Variants in SFMBT2 observed in about 807,000 individuals in gnomAD.
SFMBT2 encodes the protein scm-like with four MBT domains protein 2.
SFMBT2 carries 38 observed loss-of-function variants against 110.1 expected under a neutral mutation model. That is an observed-to-expected ratio of 0.35 (90% CI 0.27 to 0.45). SFMBT2 has a LOEUF of 0.45. Among genes scored for constraint, SFMBT2 ranks in the 20% least tolerant of loss-of-function variants. SFMBT2 has a pLI of 1.00. For synonymous variants in SFMBT2, 425 were observed against 425.4 expected (o/e 1.00, Z 0.01); for missense variants, 1,011 against 1,094.9 (o/e 0.92, Z 1.08).
At position 7,170,791 on chromosome 10, in the gene SFMBT2, A is replaced by T. The variant is rs930686058; in HGVS notation, c.2544+137T>A. ...CTCTCAGCAGGGGCCTTGGAGGGAG[A>T]AGGGTCTCGCACACCTGCCGAGCAG... On this transcript the variant is annotated intron_variant, in intron 20 of 20. Transcript: ENST00000397167. This position sits in a 1 kb window ranked among gnomAD's most constrained non-coding sequence, Gnocchi z 4.6. 10 of 972,316 alleles carry T rather than the reference A, an allele frequency of 1.0e-5. No individual in the cohort carries two copies. In the Admixed American group the frequency reaches 1.7e-4, roughly 16 times the overall value. 60.2% of individuals were successfully genotyped at this position (972,316 alleles called of 1,614,324 possible).
intron 1 of SFMBT2, among the ~76,000 whole-genome samples, chr10:7,400,534 G>C (rs1031888714): frequency 6.6e-6 from 1 of 152,188 alleles, no homozygotes; most frequent in Non-Finnish European, 1.5e-5. Flanking sequence ...CTATGAAGTT[G>C]ATGGCATCCA....
At chr10:7,174,978 A>C (rs138545430) in intron 17 of SFMBT2, among the ~76,000 whole-genome samples, 1 of 152,194 alleles carries the variant, frequency 6.6e-6, no homozygotes, top group African/African-American at 2.4e-5. Flanking sequence ...GTGTAGAAAC[A>C]CACTGAGAGA....
chr10:7,387,732 A>G (rs1845650464), intron 1 of SFMBT2, among the ~76,000 whole-genome samples: 1 of 150,928 alleles, frequency 6.6e-6, no homozygotes, highest in African/African-American at 2.4e-5. Context: ...GGAGTTTGAG[A>G]CCAGCCTGGC....
At chr10:7,328,622 T>C (rs983633220) in intron 4 of SFMBT2, among the ~76,000 whole-genome samples, 1 of 152,246 alleles carries the variant, frequency 6.6e-6, no homozygotes, top group Non-Finnish European at 1.5e-5. Context: ...AATTTTTATA[T>C]AATGTGTTAA....
In SFMBT2 at chr10:7,162,225, G is replaced by A. The variant is rs2131500450; in HGVS notation, c.*1545C>T. The A allele has an allele frequency of 6.6e-6, 1 of 151,372 alleles. No homozygotes were observed. The highest frequency in any genetic ancestry group is 2.1e-4 in the South Asian group (1 of 4,824). The allele number at this position is 151,372 out of a possible 1,614,324, so 9.4% of individuals were successfully genotyped here. ...AGCAAACTCAAAGCCAGAAAGAGCT[G>A]TAAGAATGGCCGAGTCAGAACTGGG... On this transcript the variant is annotated 3_prime_UTR_variant, in exon 21 of 21. Transcript: ENST00000397167.
Position 7,246,213 on chromosome 10 carries a change from G to A in SFMBT2, c.972+2335C>T, listed in dbSNP as rs1270720615. ...GGGTAAGAAAAAGCAAAATAAAAAG[G>A]AAAACACAGTTTAGAAATCAGTAAA... On this transcript the variant is annotated intron_variant, in intron 8 of 20. Transcript: ENST00000397167. The A allele has an allele frequency of 4.1e-6, 4 of 968,582 alleles. No individual in the cohort carries two copies. In the East Asian group the frequency reaches 3.4e-4, roughly 83 times the overall value. 60.0% of individuals were successfully genotyped at this position (968,582 alleles called of 1,614,324 possible). A position where few individuals can be genotyped will look rare whatever the true frequency, so the allele number is the denominator to read the frequency against.
At chr10:7,403,298 A>G (rs570474991) in intron 1 of SFMBT2, among the ~76,000 whole-genome samples, 10 of 152,316 alleles carry the variant, frequency 6.6e-5, no homozygotes, top group African/African-American at 2.4e-4. Flanking sequence ...TTATCAATAA[A>G]ATAAATATAA....
At chr10:7,229,907 C>T (rs1840064591) in intron 9 of SFMBT2, among the ~76,000 whole-genome samples, 2 of 151,584 alleles carry the variant, frequency 1.3e-5, no homozygotes, top group South Asian at 2.1e-4. Context: ...TTCATAGAGA[C>T]GAGGTTGCAC....
intron 4 of SFMBT2, among the ~76,000 whole-genome samples, chr10:7,311,137 A>AAG (rs1366618428): frequency 6.6e-6 from 1 of 151,946 alleles, no homozygotes; most frequent in East Asian, 1.9e-4. Flanking sequence ...TTCCCCTAAA[A>AAG]AAAAAACAAA....
intron 17 of SFMBT2, among the ~76,000 whole-genome samples, chr10:7,173,323 A>C (rs1448003731): frequency 6.6e-6 from 1 of 152,178 alleles, no homozygotes; most frequent in Non-Finnish European, 1.5e-5. Flanking sequence ...ACCTGCTCCC[A>C]AGTCTGAATC....
intron 14 of SFMBT2, among the ~76,000 whole-genome samples, chr10:7,200,028 C>G (rs1003571503): frequency 2.6e-5 from 4 of 152,168 alleles, no homozygotes; most frequent in Admixed American, 6.5e-5. Flanking sequence ...TAAATACTAA[C>G]AGCAAGTGGA....
chr10:7,190,198 G>A (rs572908441), intron 15 of SFMBT2, among the ~76,000 whole-genome samples: 14 of 152,050 alleles, frequency 9.2e-5, no homozygotes, highest in East Asian at 5.8e-4. Context: ...GTTTTGTTGC[G>A]TTTGTGTTTT....
At chr10:7,387,553 G>T (rs914488414) in intron 1 of SFMBT2, among the ~76,000 whole-genome samples, 13 of 152,018 alleles carry the variant, frequency 8.6e-5, no homozygotes, top group Non-Finnish European at 1.9e-4. Flanking sequence ...AGGCGAGCTT[G>T]GGTGGGCCGG....
At position 7,172,222 on chromosome 10, in the gene SFMBT2, G is replaced by T; in HGVS notation, c.2152-64C>A. Reference sequence around the variant, plus strand: ...CGGGGGCCTGTAGCGGTGGCCCCGCGGTCAGACCCTGGGCCCAGTGCAGAC... The same window carrying T: ...CGGGGGCCTGTAGCGGTGGCCCCGCTGTCAGACCCTGGGCCCAGTGCAGAC... On this transcript the variant is annotated intron_variant, in intron 18 of 20. Coordinates refer to ENST00000397167, the MANE Select transcript of SFMBT2 (RefSeq NM_001387889.1). This position sits in a 1 kb window ranked among gnomAD's most constrained non-coding sequence, Gnocchi z 4.6. The T allele has an allele frequency of 6.7e-7, 1 of 1,502,360 alleles. No individual in the cohort carries two copies. The allele number at this position is 1,502,360 out of a possible 1,614,324, so 93.1% of individuals were successfully genotyped here.
Position 7,284,149 on chromosome 10 carries a change from G to C in SFMBT2, c.527C>G (p.Pro176Arg). ...RTAPANLLEG[P>R]LRGKGPIDLI... ...GTCTATAGGGCCTTTCCCTCGCAGA[G>C]GCTGTTTAAACAGAAGCAAAACTCC... Residue 176 changes from proline (P) to arginine (R), a missense_variant and splice_region_variant, in exon 6 of 21, where the codon CCT becomes CGT. Pro to Arg is a moderately radical substitution (Grantham distance 103). This residue lies in a region of SFMBT2 where 979 missense variants were observed against 1,016.1 expected (regional missense o/e 0.96). Coordinates refer to ENST00000397167, the MANE Select transcript of SFMBT2 (RefSeq NM_001387889.1). 3.1e-6 allele frequency: 5 copies of C among 1,612,690 alleles called. No homozygotes were observed. Among genetic ancestry groups the C allele is most frequent in the Non-Finnish European group, 4.2e-6 (5 of 1,179,584 alleles).
At position 7,284,054 on chromosome 10, in the gene SFMBT2, C is replaced by T; in HGVS notation, c.622G>A (p.Val208Met). 6.2e-7 allele frequency: 1 copy of T among 1,614,170 alleles called. No individual in the cohort carries two copies. Among genetic ancestry groups the T allele is most frequent in the African/African-American group, 1.3e-5 (1 of 75,036 alleles). The part of the protein sequence containing the change: ...QNPFQYWIVS[V>M]IENVGGRLRL... ...AATCTTCCTCCAACATTTTCAATCA[C>T]ACTAACTATCCAGTACTGAAAAGGG... is the stretch of plus-strand genomic sequence containing the variant. The change falls in exon 6 of 21, where the codon GTG becomes ATG. Residue 208 changes from valine to methionine, a missense_variant. This residue lies in a region of SFMBT2 where 979 missense variants were observed against 1,016.1 expected (regional missense o/e 0.96). Coordinates refer to ENST00000397167, the MANE Select transcript of SFMBT2 (RefSeq NM_001387889.1).
chr10:7,284,658 C>A, intron 5 of SFMBT2: 1 of 249,832 alleles, frequency 4.0e-6, no homozygotes, highest in Non-Finnish European at 6.4e-6. Flanking sequence ...GATTATGTGA[C>A]GAAGGCATGA....
intron 15 of SFMBT2, among the ~76,000 whole-genome samples, chr10:7,193,066 A>G (rs928955333): frequency 3.3e-5 from 5 of 152,232 alleles, no homozygotes; most frequent in South Asian, 2.1e-4. Context: ...AAAGAAGAAA[A>G]AAGAGAGCAG....
chr10:7,333,808 C>A (rs913085630), intron 4 of SFMBT2, among the ~76,000 whole-genome samples: 2 of 151,926 alleles, frequency 1.3e-5, no homozygotes, highest in African/African-American at 4.8e-5. Flanking sequence ...CCCCCACTCC[C>A]GCTTTCTTTC....
Sources: gnomAD v4.1 joint callset for allele counts (sites outside exome capture counted in the v4.1 genomes callset) on GRCh38, gnomAD v4.1.1 for gene constraint, gnomAD v4.1.1 regional missense constraint, Gnocchi (gnomAD v3.1) non-coding constraint, MANE v1.5 for transcripts, NCBI Gene and HGNC (gene_info 2026-07-23, HGNC 2026-07-21) for gene names.